The following SGCZ variants were observed in gnomAD, a reference collection of about 807,000 sequenced individuals.
SGCZ encodes zeta-sarcoglycan.
A neutral mutation model predicts 41.3 loss-of-function variants in SGCZ; 40 were observed. The ratio of observed to expected loss-of-function variants is 0.97; its 90% confidence interval spans 0.75 to 1.26. The LOEUF is 1.26. Among genes scored for constraint, SGCZ ranks in the 50% most tolerant of loss-of-function variants. The probability of loss-of-function intolerance (pLI) is 0.00; values close to 1 mark genes in which losing one functional copy is unlikely to be tolerated. For synonymous variants in SGCZ, 206 were observed against 137.5 expected (o/e 1.50, Z -3.49); for missense variants, 552 against 369.8 (o/e 1.49, Z -4.04).
intron 1 of SGCZ, among the ~76,000 whole-genome samples, chr8:14,989,984 T>G (rs1801952814): frequency 6.6e-6 from 1 of 152,160 alleles, no homozygotes; most frequent in African/African-American, 2.4e-5. Flanking sequence ...TACGCATGAC[T>G]GAGGCACTAT....
At chr8:14,854,609 C>A (rs1803475190) in intron 1 of SGCZ, among the ~76,000 whole-genome samples, 1 of 152,026 alleles carries the variant, frequency 6.6e-6, no homozygotes, top group East Asian at 1.9e-4. Flanking sequence ...ATGATTATTG[C>A]AAATATAAGA....
chr8:14,715,844 A>T (rs1164610532), intron 1 of SGCZ, among the ~76,000 whole-genome samples: 1 of 152,146 alleles, frequency 6.6e-6, no homozygotes, highest in East Asian at 1.9e-4. Flanking sequence ...TTACAAATTT[A>T]AAAACCCCAA....
intron 3 of SGCZ, among the ~76,000 whole-genome samples, chr8:14,311,263 G>A (rs965512323): frequency 6.6e-6 from 1 of 151,984 alleles, no homozygotes; most frequent in African/African-American, 2.4e-5. Context: ...TCCCAGGCCT[G>A]ACTTCTAAAG....
chr8:14,863,049 A>G (rs1370765497), intron 1 of SGCZ, among the ~76,000 whole-genome samples: 1 of 152,146 alleles, frequency 6.6e-6, no homozygotes, highest in African/African-American at 2.4e-5. Flanking sequence ...ATGATTGAGA[A>G]GCTACAAGGT....
chr8:14,196,520 C>G (rs1002766976), intron 4 of SGCZ, among the ~76,000 whole-genome samples: 1 of 151,996 alleles, frequency 6.6e-6, no homozygotes, highest in African/African-American at 2.4e-5. Context: ...CATGAAACAG[C>G]GATTTCACTG....
At chr8:14,552,356 T>C (rs754397974) in intron 2 of SGCZ, among the ~76,000 whole-genome samples, 4 of 152,076 alleles carry the variant, frequency 2.6e-5, no homozygotes, top group Non-Finnish European at 4.4e-5. Flanking sequence ...TGTGTTACCT[T>C]ACAAAGAGTG....
chr8:15,109,212 G>T (rs1806949694), intron 1 of SGCZ, among the ~76,000 whole-genome samples: 1 of 152,096 alleles, frequency 6.6e-6, no homozygotes, highest in Non-Finnish European at 1.5e-5. Flanking sequence ...AGAAGACAAT[G>T]CCTTCTCCTT....
At chr8:14,476,188 T>C (rs1276035028) in intron 2 of SGCZ, among the ~76,000 whole-genome samples, 2 of 152,164 alleles carry the variant, frequency 1.3e-5, no homozygotes, top group Non-Finnish European at 2.9e-5. Flanking sequence ...AGAGTGTTTC[T>C]GTATTAGCAT....
intron 1 of SGCZ, among the ~76,000 whole-genome samples, chr8:15,208,306 A>T (rs77952168): frequency 6.6e-6 from 1 of 152,170 alleles, no homozygotes; most frequent in Non-Finnish European, 1.5e-5. Context: ...GCAAAAAAAA[A>T]TTATCATCAA....
At chr8:15,044,516 A>G (rs1804230779) in intron 1 of SGCZ, among the ~76,000 whole-genome samples, 1 of 152,166 alleles carries the variant, frequency 6.6e-6, no homozygotes, top group Non-Finnish European at 1.5e-5. Flanking sequence ...ATCAGGAATG[A>G]TTATTTTAAA....
chr8:15,124,534 A>C (rs966578218), intron 1 of SGCZ, among the ~76,000 whole-genome samples: 1 of 152,196 alleles, frequency 6.6e-6, no homozygotes, highest in Non-Finnish European at 1.5e-5. Context: ...TAAATAGAAG[A>C]GGATTTTAAA....
chr8:14,790,859 G>A (rs750801624), intron 1 of SGCZ, among the ~76,000 whole-genome samples: 1 of 151,542 alleles, frequency 6.6e-6, no homozygotes, highest in Non-Finnish European at 1.5e-5. Context: ...GGTGAAACTC[G>A]GTCTCTACTA....
intron 1 of SGCZ, among the ~76,000 whole-genome samples, chr8:14,758,937 G>A (rs1799769867): frequency 6.6e-6 from 1 of 151,334 alleles, no homozygotes; most frequent in Non-Finnish European, 1.5e-5. Context: ...GAACCCAGGA[G>A]GCAGAGGTTG....
intron 3 of SGCZ, among the ~76,000 whole-genome samples, chr8:14,261,240 C>T (rs927750942): frequency 1.3e-5 from 2 of 152,158 alleles, no homozygotes; most frequent in African/African-American, 2.4e-5. Flanking sequence ...TGAGCTGCTA[C>T]TCAAAGCCTG....
intron 1 of SGCZ, among the ~76,000 whole-genome samples, chr8:14,946,364 G>A (rs1800446315): frequency 1.3e-5 from 2 of 151,614 alleles, no homozygotes; most frequent in Admixed American, 6.6e-5. Flanking sequence ...ATCACAGAAG[G>A]AAACGCTGCT....
At chr8:15,198,876 C>G (rs1262787177) in intron 1 of SGCZ, among the ~76,000 whole-genome samples, 3 of 152,144 alleles carry the variant, frequency 2.0e-5, no homozygotes, top group Non-Finnish European at 4.4e-5. Context: ...GGAAATCAAT[C>G]TAAAGTCAGA....
intron 2 of SGCZ, among the ~76,000 whole-genome samples, chr8:14,425,540 G>C (rs2117318879): frequency 6.6e-6 from 1 of 151,950 alleles, no homozygotes; most frequent in Non-Finnish European, 1.5e-5. Flanking sequence ...AGAACTGCTT[G>C]AAACCACGAG....
chr8:15,082,175 G>A (rs920202846), intron 1 of SGCZ, among the ~76,000 whole-genome samples: 3 of 151,948 alleles, frequency 2.0e-5, no homozygotes, highest in African/African-American at 7.3e-5. Context: ...TTTGCAGTGA[G>A]CCGAGATCGT....
intron 2 of SGCZ, among the ~76,000 whole-genome samples, chr8:14,535,902 G>A (rs1803281341): frequency 6.6e-6 from 1 of 151,948 alleles, no homozygotes; most frequent in African/African-American, 2.4e-5. Context: ...CAGGGAATCT[G>A]TGTGAGGGTA....
Sources: gnomAD v4.1 joint callset for allele counts (sites outside exome capture counted in the v4.1 genomes callset) on GRCh38, gnomAD v4.1.1 for gene constraint, MANE v1.5 for transcripts, NCBI Gene and HGNC (gene_info 2026-07-23, HGNC 2026-07-21) for gene names.